The following ACAD10 variants were observed in gnomAD, a reference collection of about 807,000 sequenced individuals.
ACAD10 encodes ACAD-10.
In ACAD10, 112 loss-of-function variants were observed where a neutral mutation model predicts 116.8. The observed-to-expected ratio is 0.96, with a 90% confidence interval of 0.82 to 1.12. The LOEUF (loss-of-function observed/expected upper bound fraction) is 1.12. ACAD10 is among the 50% of genes most tolerant of loss of function. The probability of loss-of-function intolerance (pLI) is 0.00; values close to 1 mark genes in which losing one functional copy is unlikely to be tolerated. For missense variants in ACAD10, 1,259 were observed against 1,350.2 expected (o/e 0.93, Z 1.06); for synonymous variants, 486 against 510.6 (o/e 0.95, Z 0.65).
chr12:111,709,697 A>G lies in ACAD10; in HGVS notation c.690+13A>G, dbSNP rs1363772664. The G allele has an allele frequency of 6.3e-7, 1 of 1,599,946 alleles. No individual in the cohort carries two copies. The highest frequency in any genetic ancestry group is 8.5e-7 in the Non-Finnish European group (1 of 1,174,680). On this transcript the variant is annotated intron_variant, in intron 5 of 20. Transcript: ENST00000313698. ...TCACACCATTAAGGTAATAGTCACT[A>G]ATTTTTGAACTCCCTCCCATGCACC... is the stretch of plus-strand genomic sequence containing the variant.
At chr12:111,719,762 C>G (rs1160258383) in intron 7 of ACAD10, among the ~76,000 whole-genome samples, 2 of 152,024 alleles carry the variant, frequency 1.3e-5, no homozygotes, top group Non-Finnish European at 2.9e-5. Flanking sequence ...GAGTCTCGCT[C>G]TGTTGCCCAG....
chr12:111,749,206 G>C lies in ACAD10; in HGVS notation c.2678G>C (p.Arg893Pro), dbSNP rs1019712616. The change falls in exon 18 of 21, where the codon CGT (arginine) becomes CCT (proline). Residue 893 changes from arginine to proline, a missense_variant. Arg to Pro is a moderately radical substitution (Grantham distance 103). Transcript: ENST00000313698. ...GGTGAAGTCCGATTTGAGCACGTGCGTGTGCCCAAAGAGAACATGGTCCTG... is the reference window on the plus strand; with the variant it reads ...GGTGAAGTCCGATTTGAGCACGTGCCTGTGCCCAAAGAGAACATGGTCCTG... ...GHGEVRFEHV[R>P]VPKENMVLGP... 1.9e-6 allele frequency: 3 copies of C among 1,613,846 alleles called. No individual in the cohort carries two copies. The South Asian group carries it at 3.3e-5, about 18-fold the overall frequency.
At chr12:111,723,183 G>A (rs1469572270) in intron 8 of ACAD10, among the ~76,000 whole-genome samples, 8 of 139,226 alleles carry the variant, frequency 5.7e-5, no homozygotes, top group South Asian at 2.3e-4. Flanking sequence ...GCGGCTGGCC[G>A]GGTGGGGGGC....
Position 111,750,434 on chromosome 12 carries a change from T to C in ACAD10, c.2817+1089T>C, listed in dbSNP as rs535615830. Among the ~76,000 whole-genome samples the C allele has an allele frequency of 7.4e-4, 113 of 152,168 alleles. 1 individual carries two copies. The highest frequency in any genetic ancestry group is 2.4e-3 in the Admixed American group (37 of 15,282). ...CGTGCCTGGCCAAAAAGAAAAAGTT[T>C]TAAGTGCCAGGCATGGTAGCATGTG... On this transcript the variant is annotated intron_variant, in intron 18 of 20. Transcript: ENST00000313698.
intron 8 of ACAD10, among the ~76,000 whole-genome samples, chr12:111,725,990 A>G (rs899113128): frequency 2.2e-4 from 33 of 152,250 alleles, no homozygotes; most frequent in Admixed American, 2.1e-3. Context: ...GATTTTCAAA[A>G]CAATTTTTTA....
rs577037854 is a variant in ACAD10 at position 111,756,916 on chromosome 12, C to T, written c.*443C>T. ...TCCCTGGTGAGCAGAGGGGCGGCCA[C>T]GGCGGGCGGTGGCCTAGAGACCCAG... is the stretch of plus-strand genomic sequence containing the variant. On this transcript the variant is annotated 3_prime_UTR_variant, in exon 21 of 21. Transcript: ENST00000313698. 58 of 457,790 alleles carry T rather than the reference C, an allele frequency of 1.3e-4. No homozygotes were observed. Among genetic ancestry groups the T allele is most frequent in the South Asian group, 7.9e-4 (51 of 64,554 alleles). 28.4% of individuals were successfully genotyped at this position (457,790 alleles called of 1,614,324 possible). A position where few individuals can be genotyped will look rare whatever the true frequency, so the allele number is the denominator to read the frequency against.
rs781050515 is a variant in ACAD10 at position 111,709,558 on chromosome 12, G to A, written c.564G>A (p.Lys188=). 112 of 1,610,522 alleles carry A rather than the reference G, an allele frequency of 7.0e-5. No individual in the cohort carries two copies. The highest frequency in any genetic ancestry group is 8.7e-5 in the Non-Finnish European group (103 of 1,178,896). Residue 188 remains lysine (K), a synonymous_variant, in exon 5 of 21, where the codon AAG becomes AAA. Coordinates refer to ENST00000313698, the MANE Select transcript of ACAD10 (RefSeq NM_025247.6). ...AGTCCTGCATGGAAGGGATCTGTAA[G>A]CCAGACCCTAGGATCTACAAGCTGT... is the stretch of plus-strand genomic sequence containing the variant. ...IVESCMEGIC[K]PDPRIYKLCL... is the part of the protein sequence containing the mutation.
intron 7 of ACAD10, among the ~76,000 whole-genome samples, chr12:111,720,229 C>T (rs1478872631): frequency 6.6e-6 from 1 of 152,048 alleles, no homozygotes; most frequent in Non-Finnish European, 1.5e-5. Flanking sequence ...CTTATCTTGG[C>T]GAACATATTG....
In ACAD10 at chr12:111,746,649, A is replaced by G. The variant is rs1447232335; in HGVS notation, c.2256+365A>G. Among the ~76,000 whole-genome samples the G allele has an allele frequency of 2.0e-5, 3 of 152,010 alleles. No individual in the cohort carries two copies. In the East Asian group the frequency reaches 5.9e-4, roughly 30 times the overall value. On this transcript the variant is annotated intron_variant, in intron 14 of 20. Coordinates refer to ENST00000313698, the MANE Select transcript of ACAD10 (RefSeq NM_025247.6). ...GTGATCCACCTACCCTGGCCCCACA[A>G]AGTGCTGGGATTACAGGCGTGAGCC...
At chr12:111,723,802 C>T (rs573887900) in intron 8 of ACAD10, among the ~76,000 whole-genome samples, 8 of 150,384 alleles carry the variant, frequency 5.3e-5, no homozygotes, top group Admixed American at 1.3e-4. Flanking sequence ...GGGCGGCTGC[C>T]GGGCGGAGGG....
chr12:111,693,063 G>A (rs1888100556), intron 2 of ACAD10, 167 bp downstream of exon 2: 2 of 680,466 alleles, frequency 2.9e-6, no homozygotes, highest in Non-Finnish European at 4.9e-6. Context: ...AGTGTCTTGG[G>A]CGCATGATTC....
At chr12:111,710,656 G>C (rs138905723) in intron 5 of ACAD10, among the ~76,000 whole-genome samples, 1 of 151,658 alleles carries the variant, frequency 6.6e-6, no homozygotes, top group Non-Finnish European at 1.5e-5. Flanking sequence ...CACCATGCCC[G>C]GTTAATTTTT....
intron 7 of ACAD10, among the ~76,000 whole-genome samples, chr12:111,718,371 C>T (rs1888911103): frequency 6.6e-6 from 1 of 152,090 alleles, no homozygotes; most frequent in Non-Finnish European, 1.5e-5. Context: ...TTCTTTATCA[C>T]TGCTGGTATT....
At chr12:111,713,321 A>G (rs1047997594) in intron 6 of ACAD10, among the ~76,000 whole-genome samples, 2 of 148,812 alleles carry the variant, frequency 1.3e-5, no homozygotes, top group Non-Finnish European at 3.0e-5. Flanking sequence ...GGGGGGAAAA[A>G]AAAAAAGAAT....
chr12:111,738,750 C>G (rs1889647226), intron 12 of ACAD10, among the ~76,000 whole-genome samples: 1 of 151,908 alleles, frequency 6.6e-6, no homozygotes, highest in Non-Finnish European at 1.5e-5. Context: ...GCCTAAAATC[C>G]CAGCTACTCA....
At chr12:111,699,810 C>T (rs1044352845) in intron 2 of ACAD10, among the ~76,000 whole-genome samples, 3 of 152,076 alleles carry the variant, frequency 2.0e-5, no homozygotes, top group African/African-American at 7.2e-5. Flanking sequence ...ATCCCAGCTA[C>T]TCAGGAGGCT....
chr12:111,691,981 T>G (rs1481978404), intron 1 of ACAD10, among the ~76,000 whole-genome samples: 2 of 151,788 alleles, frequency 1.3e-5, no homozygotes, highest in African/African-American at 4.8e-5. Flanking sequence ...GTTTGTTTGT[T>G]TTTTGAGATG....
At chr12:111,731,836 A>G (rs1425348720) in intron 10 of ACAD10, among the ~76,000 whole-genome samples, 3 of 152,194 alleles carry the variant, frequency 2.0e-5, no homozygotes, top group Non-Finnish European at 4.4e-5. Flanking sequence ...TAATCCCAGC[A>G]CTTTGGGAGG....
intron 1 of ACAD10, chr12:111,690,998 A>T (rs1888023932): frequency 6.6e-6 from 1 of 152,146 alleles, no homozygotes; most frequent in Non-Finnish European, 1.5e-5. Flanking sequence ...AAAGATTTTC[A>T]TGAAGAAAAT....
Sources: allele counts gnomAD v4.1 joint callset (sites outside exome capture counted in the v4.1 genomes callset), GRCh38; gene constraint gnomAD v4.1.1; transcripts MANE v1.5; gene names NCBI Gene and HGNC (gene_info 2026-07-23, HGNC 2026-07-21).